FHL2: variants seen among roughly 807,000 people sequenced by gnomAD.
FHL2 encodes four and a half LIM domains 2, also known as four and a half LIM domains protein 2.
FHL2 carries 20 observed loss-of-function variants against 32.7 expected under a neutral mutation model. That is an observed-to-expected ratio of 0.61 (90% CI 0.43 to 0.89). The LOEUF (loss-of-function observed/expected upper bound fraction) is 0.89. Ranked by LOEUF, FHL2 falls within the 40% of genes least tolerant of loss-of-function variation. FHL2 has a pLI of 0.00. For synonymous variants in FHL2, 123 were observed against 128.1 expected (o/e 0.96, Z 0.27); for missense variants, 311 against 358.6 (o/e 0.87, Z 1.07).
chr2:105,408,279 G>A lies in FHL2; in HGVS notation c.-24-21739C>T, dbSNP rs79523902. 7.5e-3 allele frequency among the ~76,000 whole-genome samples: 1,146 copies of A among 152,270 alleles called. 22 individuals are homozygous for A. The highest frequency in any genetic ancestry group is 0.027 in the African/African-American group (1,101 of 41,542). ...ACTGGTATTTTCCCCTCACTTGCAC[G>A]TATTTTGGATGTATAAATATTTTCA... is the stretch of plus-strand genomic sequence containing the variant. On this transcript the variant is annotated intron_variant, in intron 1 of 5. Transcript: ENST00000393352.
intron 4 of FHL2, among the ~76,000 whole-genome samples, chr2:105,371,093 C>G (rs1367243956): frequency 9.9e-5 from 15 of 152,146 alleles, no homozygotes; most frequent in Non-Finnish European, 2.2e-4. Flanking sequence ...CTTATCTGAT[C>G]ATGTTTTTCT....
intron 2 of FHL2, among the ~76,000 whole-genome samples, chr2:105,388,211 C>A (rs969840636): frequency 2.6e-5 from 4 of 152,064 alleles, no homozygotes; most frequent in Non-Finnish European, 5.9e-5. Flanking sequence ...ACCCCTGTGA[C>A]AAGAGTTTAC....
At position 105,396,632 on chromosome 2, in the gene FHL2, A is replaced by G; in HGVS notation, c.-25+15T>C. ...TCCACAATTTAGGATAACAGAGGAAATTCACTTGACTCACCCCAAAGTCAA... is the reference window on the plus strand; with the variant it reads ...TCCACAATTTAGGATAACAGAGGAAGTTCACTTGACTCACCCCAAAGTCAA... On this transcript the variant is annotated intron_variant, in intron 2 of 6. Coordinates refer to ENST00000530340, the MANE Select transcript of FHL2 (RefSeq NM_001318895.3). 7 of 1,611,188 alleles carry G rather than the reference A, an allele frequency of 4.3e-6. No homozygotes were observed. The highest frequency in any genetic ancestry group is 5.9e-6 in the Non-Finnish European group (7 of 1,178,450).
At chr2:105,424,801 C>T (rs182409337) in intron 1 of FHL2, among the ~76,000 whole-genome samples, 78 of 152,310 alleles carry the variant, frequency 5.1e-4, no homozygotes, top group Non-Finnish European at 8.8e-4. Context: ...TGTTCTCACT[C>T]ATAAGTGGGA....
intron 1 of FHL2, among the ~76,000 whole-genome samples, chr2:105,423,221 C>A (rs1684158347): frequency 6.6e-6 from 1 of 152,122 alleles, no homozygotes; most frequent in Non-Finnish European, 1.5e-5. Flanking sequence ...AATAATGTCT[C>A]CAAAAAATGA....
intron 2 of FHL2, among the ~76,000 whole-genome samples, chr2:105,396,284 G>A (rs561561676): frequency 1.3e-5 from 2 of 152,300 alleles, no homozygotes; most frequent in Non-Finnish European, 2.9e-5. Flanking sequence ...CTGAAAAGAG[G>A]AGACTCTATA....
At chr2:105,400,999 T>TG (rs1295106914), upstream of FHL2, among the ~76,000 whole-genome samples, 1 of 149,938 alleles carries the variant, frequency 6.7e-6, no homozygotes, top group African/African-American at 2.4e-5. Flanking sequence ...ACAAGAGAGA[T>TG]GGAGACAGAA....
intron 3 of FHL2, among the ~76,000 whole-genome samples, chr2:105,385,077 G>A (rs1682202073): frequency 6.6e-6 from 1 of 152,192 alleles, no homozygotes; most frequent in South Asian, 2.1e-4. Context: ...TATTTCAAAG[G>A]TTTGGCACAA....
At chr2:105,407,830 A>G (rs1278213223) in intron 1 of FHL2, among the ~76,000 whole-genome samples, 1 of 152,156 alleles carries the variant, frequency 6.6e-6, no homozygotes, top group Non-Finnish European at 1.5e-5. Flanking sequence ...CTAGGCCTTA[A>G]TCGCAGAGAA....
intron 1 of FHL2, among the ~76,000 whole-genome samples, chr2:105,430,277 CAA>C (rs1273153858): frequency 6.6e-6 from 1 of 152,190 alleles, no homozygotes; most frequent in African/African-American, 2.4e-5. Flanking sequence ...GCCTCTGAAG[CAA>C]AGTCTCTGTC....
intron 1 of FHL2, among the ~76,000 whole-genome samples, chr2:105,409,183 G>A (rs1458570965): frequency 6.6e-6 from 1 of 152,242 alleles, no homozygotes; most frequent in Non-Finnish European, 1.5e-5. Flanking sequence ...GGAAAAATGG[G>A]CAAGTGAGGG....
At position 105,369,032 on chromosome 2, in the gene FHL2, AGTT is replaced by A. The variant is rs149461844; in HGVS notation, c.332-1296_332-1294del. Among the ~76,000 whole-genome samples, 1,315 of 152,304 alleles carry A rather than the reference AGTT, an allele frequency of 8.6e-3. 11 individuals are homozygous for A. The highest frequency in any genetic ancestry group is 0.03 in the African/African-American group (1,235 of 41,566). ...AGTGTGCAGCTGTGTGCAGTTGTGCAGTTGTTGTGTAGTTGTAATAGTTGAGTA... is the reference window on the plus strand; with the variant it reads ...AGTGTGCAGCTGTGTGCAGTTGTGCAGTTGTGTAGTTGTAATAGTTGAGTA... On this transcript the variant is annotated intron_variant, in intron 4 of 6. Coordinates refer to ENST00000530340, the MANE Select transcript of FHL2 (RefSeq NM_001318895.3).
upstream of FHL2, chr2:105,399,710 G>A: frequency 7.7e-7 from 1 of 1,298,874 alleles, no homozygotes; most frequent in Non-Finnish European, 1.0e-6. Context: ...CGGGCCCTCT[G>A]CGTGACGCTG....
chr2:105,392,195 G>A (rs762609035), intron 2 of FHL2, among the ~76,000 whole-genome samples: 120 of 152,290 alleles, frequency 7.9e-4, no homozygotes, highest in Non-Finnish European at 1.3e-3. Context: ...AGAATAGGTC[G>A]GGTACAGAGG....
intron 3 of FHL2, 110 bp from the exon 4 acceptor site, chr2:105,373,843 C>G (rs1167277833): frequency 9.5e-7 from 1 of 1,057,968 alleles, no homozygotes; most frequent in South Asian, 1.4e-5. Flanking sequence ...GAAGTTGGGC[C>G]GAGGCACCCT....
At chr2:105,371,819 C>T (rs938639991) in intron 4 of FHL2, among the ~76,000 whole-genome samples, 2 of 152,122 alleles carry the variant, frequency 1.3e-5, no homozygotes, top group Admixed American at 6.5e-5. Context: ...CAATTAATGT[C>T]GTGGTTCTTA....
chr2:105,389,230 T>G (rs778310878), intron 2 of FHL2, among the ~76,000 whole-genome samples: 1 of 152,234 alleles, frequency 6.6e-6, no homozygotes, highest in Non-Finnish European at 1.5e-5. Flanking sequence ...AAGATGAGGC[T>G]CTTGAGCACT....
Position 105,392,405 on chromosome 2 carries a change from G to A in FHL2, c.-25+4242C>T, listed in dbSNP as rs565572047. On this transcript the variant is annotated intron_variant, in intron 2 of 6. Coordinates refer to ENST00000530340, the MANE Select transcript of FHL2 (RefSeq NM_001318895.3). ...GGGAGGATCTTGAGCCCAGGAGGTC[G>A]AGGCTGCAGTGAGCCATGATAGCAT... Among the ~76,000 whole-genome samples the A allele has an allele frequency of 1.1e-4, 17 of 152,154 alleles. No homozygotes were observed. In the East Asian group the frequency reaches 1.4e-3, roughly 12 times the overall value.
At chr2:105,410,606 C>T (rs1376124228) in intron 1 of FHL2, among the ~76,000 whole-genome samples, 2 of 152,072 alleles carry the variant, frequency 1.3e-5, no homozygotes, top group African/African-American at 4.8e-5. Flanking sequence ...CATGTCACAT[C>T]GTATGCTATT....
Sources: gnomAD v4.1 joint callset for allele counts (sites outside exome capture counted in the v4.1 genomes callset) on GRCh38, gnomAD v4.1.1 for gene constraint, MANE v1.5 for transcripts, NCBI Gene and HGNC (gene_info 2026-07-23, HGNC 2026-07-21) for gene names.